ITPRID1: variants seen among roughly 807,000 people sequenced by gnomAD.
The protein encoded by ITPRID1 is protein ITPRID1.
In ITPRID1, 96 loss-of-function variants were observed where a neutral mutation model predicts 95.4. The observed-to-expected ratio is 1.01, with a 90% CI of 0.85 to 1.19. The LOEUF is 1.19. Ranked by LOEUF, ITPRID1 falls within the 50% of genes most tolerant of loss-of-function variation. The pLI, the probability that ITPRID1 is intolerant of heterozygous loss-of-function variation, is 0.00. For missense variants in ITPRID1, 1,339 were observed against 1,252.9 expected (o/e 1.07, Z -1.04); for synonymous variants, 510 against 453.6 (o/e 1.12, Z -1.58).
At chr7:31,541,127 G>A (rs61346871) in intron 1 of ITPRID1, among the ~76,000 whole-genome samples, 33,885 of 152,110 alleles carry the variant, frequency 0.22, 3,917 homozygotes, top group East Asian at 0.33. Context: ...TTTGTTCATG[G>A]GAGTATACTA....
At chr7:31,537,095 TTGTGTGTG>T (rs66543091) in intron 1 of ITPRID1, among the ~76,000 whole-genome samples, 14,476 of 145,642 alleles carry the variant, frequency 0.099, 917 homozygotes, top group Non-Finnish European at 0.14. Context: ...GGTGTGTGTG[TTGTGTGTG>T]TGTGTGTGTG....
At position 31,642,958 on chromosome 7, in the gene ITPRID1, AG is replaced by A; in HGVS notation, c.1592del (p.Gly531GlufsTer40). On this transcript the variant is annotated frameshift_variant, in exon 12 of 15. Coordinates refer to ENST00000615280, the MANE Select transcript of ITPRID1 (RefSeq NM_001257967.3). LOFTEE classifies it high-confidence loss of function. ...CATGGCCTGTGCCAAGACCACCACG[AG>A]GGGAGAATGCCCAAGGAAAGACAGC... ...PDMACAKTTT[R>X]GECPRKDSHL... is the part of the protein sequence containing the mutation. 6.2e-7 allele frequency: 1 copy of A among 1,614,022 alleles called. No homozygotes were observed. The highest frequency in any genetic ancestry group is 8.5e-7 in the Non-Finnish European group (1 of 1,179,898).
intron 13 of ITPRID1, 48 bp downstream of exon 13, chr7:31,651,317 G>T (rs1167382946): frequency 6.3e-7 from 1 of 1,593,044 alleles, no homozygotes; most frequent in South Asian, 1.1e-5. Context: ...CCACACACCT[G>T]GAGCAAGGAA....
intron 1 of ITPRID1, among the ~76,000 whole-genome samples, chr7:31,530,546 A>G (rs1202400886): frequency 1.3e-5 from 2 of 152,178 alleles, no homozygotes; most frequent in East Asian, 3.9e-4. Flanking sequence ...CCATAAATGT[A>G]TTTTTTGATC....
At chr7:31,582,163 G>A (rs1785427598) in intron 9 of ITPRID1, among the ~76,000 whole-genome samples, 1 of 152,064 alleles carries the variant, frequency 6.6e-6, no homozygotes, top group Non-Finnish European at 1.5e-5. Context: ...ATTTCTAATT[G>A]CAAAATTTAG....
At chr7:31,527,794 C>T (rs868257703) in intron 1 of ITPRID1, among the ~76,000 whole-genome samples, 2 of 152,150 alleles carry the variant, frequency 1.3e-5, no homozygotes, top group African/African-American at 2.4e-5. Context: ...ATTTTGCTGT[C>T]TTAGAACTTA....
intron 10 of ITPRID1, among the ~76,000 whole-genome samples, chr7:31,626,899 A>C (rs1279456523): frequency 6.6e-6 from 1 of 152,242 alleles, no homozygotes; most frequent in African/African-American, 2.4e-5. Context: ...TGTTTGTGGG[A>C]TAAACAAATA....
In ITPRID1 at chr7:31,652,165, C is replaced by T. The variant is rs572551894; in HGVS notation, c.2823+115C>T. 311 of 824,376 alleles carry T rather than the reference C, an allele frequency of 3.8e-4. 4 individuals carry two copies. In the South Asian group the frequency reaches 4.9e-3, roughly 13 times the overall value. The allele number at this position is 824,376 out of a possible 1,614,324, so 51.1% of individuals were successfully genotyped here. On this transcript the variant is annotated intron_variant, in intron 14 of 14. Coordinates refer to ENST00000615280, the MANE Select transcript of ITPRID1 (RefSeq NM_001257967.3). ...AGAATCTAGGTTTACATGCCAACAC[C>T]TTCATTTTAAGTATACAGAGAAGTA...
At position 31,655,122 on chromosome 7, in the gene ITPRID1, A is replaced by G. The variant is rs189764900; in HGVS notation, c.*2293A>G. Among the ~76,000 whole-genome samples, 112 of 152,200 alleles carry G rather than the reference A, an allele frequency of 7.4e-4. No homozygotes were observed. The highest frequency in any genetic ancestry group is 2.5e-3 in the African/African-American group (103 of 41,534). ...CCCAGCCCAGCATTTTTTACTGTCC[A>G]TAAGACATTTTGACCTGGAAGACTT... On this transcript the variant is annotated 3_prime_UTR_variant, in exon 15 of 15. Transcript: ENST00000615280.
chr7:31,648,443 T>G (rs1790673285), intron 12 of ITPRID1, among the ~76,000 whole-genome samples: 1 of 152,176 alleles, frequency 6.6e-6, no homozygotes, highest in Non-Finnish European at 1.5e-5. Context: ...TCTATACTTA[T>G]TCTAGGGCTA....
intron 1 of ITPRID1, among the ~76,000 whole-genome samples, chr7:31,519,537 A>G (rs1783149902): frequency 6.7e-6 from 1 of 149,712 alleles, no homozygotes; most frequent in South Asian, 2.1e-4. Context: ...CCATCTATAC[A>G]TAGATATATA....
chr7:31,638,632 GTCT>G (rs1292280429), intron 10 of ITPRID1, among the ~76,000 whole-genome samples: 1 of 152,104 alleles, frequency 6.6e-6, no homozygotes, highest in Non-Finnish European at 1.5e-5. Flanking sequence ...TTACTCAACT[GTCT>G]TCTTACTTGG....
chr7:31,545,146 G>A (rs1158320138), intron 1 of ITPRID1, among the ~76,000 whole-genome samples: 1 of 152,112 alleles, frequency 6.6e-6, no homozygotes, highest in Non-Finnish European at 1.5e-5. Flanking sequence ...TGAGAAAGAA[G>A]TTTCTATAGA....
At chr7:31,628,824 G>A (rs565445842) in intron 10 of ITPRID1, among the ~76,000 whole-genome samples, 1 of 152,278 alleles carries the variant, frequency 6.6e-6, no homozygotes, top group Non-Finnish European at 1.5e-5. Flanking sequence ...GAAATGGGCT[G>A]CCTTGTAAAA....
chr7:31,567,851 C>T lies in ITPRID1; in HGVS notation c.257-1907C>T, dbSNP rs573884979. 9.5e-4 allele frequency among the ~76,000 whole-genome samples: 145 copies of T among 152,274 alleles called. 1 individual carries two copies. The highest frequency in any genetic ancestry group is 1.1e-3 in the Non-Finnish European group (74 of 68,016). ...TAGTTAAGAATCCACTATTGCCAGG[C>T]GTGGTGGCTCATGCCTGTAGTCCCA... On this transcript the variant is annotated intron_variant, in intron 5 of 14. Transcript: ENST00000615280.
chr7:31,527,190 CT>C (rs1468823957), intron 1 of ITPRID1, among the ~76,000 whole-genome samples: 1 of 152,152 alleles, frequency 6.6e-6, no homozygotes. Context: ...AGAGGCTTAC[CT>C]TTACTTACTC....
chr7:31,613,694 T>C (rs1042885135), intron 10 of ITPRID1, among the ~76,000 whole-genome samples: 1 of 152,312 alleles, frequency 6.6e-6, no homozygotes, highest in East Asian at 1.9e-4. Context: ...GTTTTGTTTC[T>C]ATCTAAAGCC....
chr7:31,610,319 A>G (rs768683907), intron 10 of ITPRID1, among the ~76,000 whole-genome samples: 1 of 151,738 alleles, frequency 6.6e-6, no homozygotes, highest in Non-Finnish European at 1.5e-5. Flanking sequence ...TTTATTTAAA[A>G]TGACATACTA....
intron 1 of ITPRID1, chr7:31,529,904 C>G (rs908941946): frequency 5.1e-5 from 58 of 1,130,026 alleles, no homozygotes; most frequent in Middle Eastern, 1.9e-4. Context: ...CTCTCATTTT[C>G]TCTCAGTTGG....
Sources: allele counts gnomAD v4.1 joint callset (sites outside exome capture counted in the v4.1 genomes callset), GRCh38; gene constraint gnomAD v4.1.1; transcripts MANE v1.5; gene names NCBI Gene and HGNC (gene_info 2026-07-23, HGNC 2026-07-21).